Variants in ARID4B observed in about 807,000 individuals in gnomAD.
The protein encoded by ARID4B is AT-rich interactive domain-containing protein 4B.
A neutral mutation model predicts 147.5 loss-of-function variants in ARID4B; 26 were observed. That is an observed-to-expected ratio of 0.18 (90% CI 0.13 to 0.24). ARID4B has a LOEUF of 0.24. Among genes scored for constraint, ARID4B ranks in the 10% least tolerant of loss-of-function variants. ARID4B has a pLI of 1.00. For missense variants in ARID4B, 1,179 were observed against 1,511.5 expected (o/e 0.78, Z 3.65); for synonymous variants, 512 against 507.9 (o/e 1.01, Z -0.11).
chr1:235,327,177 C>T, intron 1 of ARID4B: 1 of 481,422 alleles, frequency 2.1e-6, no homozygotes, highest in South Asian at 2.5e-5. Context: ...GGCAGCTTCC[C>T]GTCCCCATTG....
chr1:235,187,145 G>C, intron 19 of ARID4B: 1 of 318,700 alleles, frequency 3.1e-6, no homozygotes, highest in South Asian at 2.3e-5. Flanking sequence ...GCAATGGCGT[G>C]ATCTCAGCTC....
chr1:235,228,285 CTTTTTTTTT>C (rs34559749), intron 11 of ARID4B: 9 of 73,914 alleles, frequency 1.2e-4, no homozygotes, highest in East Asian at 4.6e-4. Flanking sequence ...TAGGTAGGTT[CTTTTTTTTT>C]TTTTTTTTTT....
rs755344299 is a variant in ARID4B, at chr1:235,175,155, T to C, written c.3664+29A>G. On this transcript the variant is annotated intron_variant, in intron 22 of 23. Transcript: ENST00000264183. The stretch of plus-strand genomic sequence containing the variant: ...AAAAGAGTTACTAGGATGAAGTTTG[T>C]ATGCTTGTCAATTTAACATGTCACT... 17 of 1,570,784 alleles carry C rather than the reference T, an allele frequency of 1.1e-5. No homozygotes were observed. In the South Asian group the frequency reaches 1.2e-4, roughly 11 times the overall value.
At chr1:235,264,144 T>C (rs145669388) in intron 2 of ARID4B, among the ~76,000 whole-genome samples, 1 of 152,346 alleles carries the variant, frequency 6.6e-6, no homozygotes, top group East Asian at 1.9e-4. Flanking sequence ...CTATTTATTA[T>C]ACATTATCTC....
intron 6 of ARID4B, among the ~76,000 whole-genome samples, chr1:235,249,336 A>T (rs575439180): frequency 2.5e-4 from 38 of 152,274 alleles, no homozygotes; most frequent in African/African-American, 7.7e-4. Flanking sequence ...CTGTCTCAAA[A>T]AAATAAATAA....
chr1:235,176,951 A>G (rs1209719995), intron 21 of ARID4B: 7 of 471,038 alleles, frequency 1.5e-5, no homozygotes, highest in Non-Finnish European at 3.1e-5. Context: ...TTTGTCTACA[A>G]AAGAGAGATA....
At chr1:235,238,154 A>G (rs1264554817) in intron 8 of ARID4B, among the ~76,000 whole-genome samples, 1 of 120,376 alleles carries the variant, frequency 8.3e-6, no homozygotes, top group Non-Finnish European at 1.7e-5. Context: ...AAAAAAAAAA[A>G]AAAGAAAAGA....
At chr1:235,275,608 T>C (rs776991461) in intron 2 of ARID4B, among the ~76,000 whole-genome samples, 13 of 152,104 alleles carry the variant, frequency 8.5e-5, no homozygotes, top group Non-Finnish European at 1.8e-4. Flanking sequence ...TATAATAGAT[T>C]CTCTTTTCTG....
At chr1:235,317,280 C>G (rs1256545903) in intron 2 of ARID4B, among the ~76,000 whole-genome samples, 1 of 152,070 alleles carries the variant, frequency 6.6e-6, no homozygotes, top group Non-Finnish European at 1.5e-5. Context: ...CAGATGATAC[C>G]ACAGAGCTGT....
Position 235,293,501 on chromosome 1 carries a change from ATTATCTAC to A in ARID4B, c.7-32757_7-32750del, listed in dbSNP as rs555469519. ...ACAGCTGATGTGCCAAGTCAGTACA[ATTATCTAC>A]TTATACTATACATATGTAAATATGA... is the stretch of plus-strand genomic sequence containing the variant. On this transcript the variant is annotated intron_variant, in intron 2 of 23. Coordinates refer to ENST00000264183, the MANE Select transcript of ARID4B (RefSeq NM_016374.6). Among the ~76,000 whole-genome samples the A allele has an allele frequency of 1.3e-4, 20 of 152,364 alleles. 2 individuals are homozygous for A. The South Asian group carries it at 3.5e-3, about 27-fold the overall frequency.
chr1:235,199,573 A>G (rs1409893972), intron 17 of ARID4B, among the ~76,000 whole-genome samples: 1 of 152,224 alleles, frequency 6.6e-6, no homozygotes, highest in Admixed American at 6.5e-5. Flanking sequence ...AGAGAAGGAA[A>G]TGGACTGCCC....
chr1:235,208,328 C>A (rs1666463084), intron 17 of ARID4B, among the ~76,000 whole-genome samples: 1 of 152,008 alleles, frequency 6.6e-6, no homozygotes, highest in South Asian at 2.1e-4. Context: ...TGAAAGGGAT[C>A]AATTAGATAA....
chr1:235,306,854 C>T (rs1393253332), intron 2 of ARID4B, among the ~76,000 whole-genome samples: 4 of 152,150 alleles, frequency 2.6e-5, no homozygotes, highest in East Asian at 1.9e-4. Flanking sequence ...GACAGGGTTT[C>T]GCGATGTTGG....
At chr1:235,250,387 A>C (rs1466135428) in intron 6 of ARID4B, among the ~76,000 whole-genome samples, 1 of 152,220 alleles carries the variant, frequency 6.6e-6, no homozygotes, top group Non-Finnish European at 1.5e-5. Flanking sequence ...AATAAAGAGA[A>C]AAGAACATAC....
At chr1:235,180,476 C>T (rs546170674) in intron 20 of ARID4B, 1 of 152,062 alleles carries the variant, frequency 6.6e-6, no homozygotes, top group East Asian at 1.9e-4. Context: ...GCCTAATATT[C>T]TGAAATAAAG....
At chr1:235,232,590 C>G (rs540011935) in intron 9 of ARID4B, among the ~76,000 whole-genome samples, 1 of 151,220 alleles carries the variant, frequency 6.6e-6, no homozygotes, top group Non-Finnish European at 1.5e-5. Flanking sequence ...AAAAATTTGC[C>G]GAGCGTGGTG....
chr1:235,249,197 G>C (rs1669485105), intron 6 of ARID4B, among the ~76,000 whole-genome samples: 1 of 152,060 alleles, frequency 6.6e-6, no homozygotes, highest in South Asian at 2.1e-4. Context: ...GTCAGGCGTG[G>C]TGCTGCACGC....
chr1:235,315,813 C>A (rs981768236), intron 2 of ARID4B, among the ~76,000 whole-genome samples: 2 of 152,048 alleles, frequency 1.3e-5, no homozygotes, highest in South Asian at 2.1e-4. Context: ...TTAGATAACC[C>A]GATTAGAGTA....
intron 2 of ARID4B, among the ~76,000 whole-genome samples, chr1:235,317,384 G>C (rs1219865690): frequency 1.3e-5 from 2 of 152,180 alleles, no homozygotes; most frequent in Non-Finnish European, 2.9e-5. Flanking sequence ...GACTTTCTGA[G>C]TAATATATGA....
Sources: gnomAD v4.1 joint callset for allele counts (sites outside exome capture counted in the v4.1 genomes callset) on GRCh38, gnomAD v4.1.1 for gene constraint, MANE v1.5 for transcripts, NCBI Gene and HGNC (gene_info 2026-07-23, HGNC 2026-07-21) for gene names.